The following ADAMTS17 variants were observed in gnomAD, a reference collection of about 807,000 sequenced individuals.
The protein encoded by ADAMTS17 is A disintegrin and metalloproteinase with thrombospondin motifs 17.
Under a neutral mutation model 141.5 loss-of-function variants are expected in ADAMTS17, and 113 were observed. That is an observed-to-expected ratio of 0.80 (90% CI 0.69 to 0.93). The LOEUF (loss-of-function observed/expected upper bound fraction) is 0.93, where lower values mean the gene tolerates loss of function less well. Ranked by LOEUF, ADAMTS17 falls within the 40% of genes least tolerant of loss-of-function variation. The pLI is 0.00. For missense variants in ADAMTS17, 1,659 were observed against 1,517.9 expected (o/e 1.09, Z -1.54); for synonymous variants, 768 against 630.6 (o/e 1.22, Z -3.27).
chr15:100,130,096 G>A (rs988260020), intron 12 of ADAMTS17, among the ~76,000 whole-genome samples: 10 of 152,182 alleles, frequency 6.6e-5, no homozygotes, highest in African/African-American at 2.4e-4. Context: ...TGGGCATGGT[G>A]GCTCACACCT....
rs2045579376 is a variant in ADAMTS17 at position 100,316,813 on chromosome 15, G to A, written c.616+14076C>T. 2.0e-5 allele frequency among the ~76,000 whole-genome samples: 3 copies of A among 152,362 alleles called. No individual in the cohort carries two copies. In the South Asian group the frequency reaches 6.2e-4, roughly 32 times the overall value. ...CCCTCTCTCTCAGAGATGAGGAAAGGTAGGAATAGGAGAAACAGGCTGACT... is the reference window on the plus strand; with the variant it reads ...CCCTCTCTCTCAGAGATGAGGAAAGATAGGAATAGGAGAAACAGGCTGACT... On this transcript the variant is annotated intron_variant, in intron 3 of 21. Coordinates refer to ENST00000268070, the MANE Select transcript of ADAMTS17 (RefSeq NM_139057.4).
intron 3 of ADAMTS17, among the ~76,000 whole-genome samples, chr15:100,317,559 T>C (rs1039502435): frequency 6.6e-6 from 1 of 151,880 alleles, no homozygotes; most frequent in Non-Finnish European, 1.5e-5. Flanking sequence ...TGGGGACACA[T>C]CAGAAATGCC....
intron 14 of ADAMTS17, among the ~76,000 whole-genome samples, chr15:100,103,013 C>T (rs1343094072): frequency 6.6e-6 from 1 of 152,218 alleles, no homozygotes; most frequent in Non-Finnish European, 1.5e-5. Flanking sequence ...ATGACACTTC[C>T]ACCCACTTCT....
At chr15:100,132,988 T>C (rs530986843) in intron 11 of ADAMTS17, among the ~76,000 whole-genome samples, 13 of 152,342 alleles carry the variant, frequency 8.5e-5, no homozygotes, top group Admixed American at 2.6e-4. Context: ...AAGGAGTTAA[T>C]CTAACAAAAA....
At chr15:100,006,696 C>T (rs745641651) in intron 18 of ADAMTS17, among the ~76,000 whole-genome samples, 3 of 152,192 alleles carry the variant, frequency 2.0e-5, no homozygotes, top group Non-Finnish European at 2.9e-5. Context: ...CAAAAGAAGG[C>T]GCTGGTATCG....
chr15:100,139,046 TCTGCATTTGTCAAATTTCAAAGACTGGGC>T (rs2141275536), intron 10 of ADAMTS17, among the ~76,000 whole-genome samples: 1 of 152,278 alleles, frequency 6.6e-6, no homozygotes, highest in South Asian at 2.1e-4. Context: ...GTTATATAAC[TCTGCATTTGTCAAATTTCAAAGACTGGGC>T]ATTAAAAAGG....
chr15:100,340,684 A>G lies in ADAMTS17; in HGVS notation c.450+355T>C, dbSNP rs1460924357. On this transcript the variant is annotated intron_variant, in intron 2 of 21. Coordinates refer to ENST00000268070, the MANE Select transcript of ADAMTS17 (RefSeq NM_139057.4). Reference sequence around the variant, plus strand: ...CACTTTGACACGGCGGTGCAGATGCAGTGTTCTCTACATTGGGGCCAAGGC... The same window carrying G: ...CACTTTGACACGGCGGTGCAGATGCGGTGTTCTCTACATTGGGGCCAAGGC... Among the ~76,000 whole-genome samples the G allele has an allele frequency of 2.6e-5, 4 of 152,256 alleles. No homozygotes were observed. The East Asian group carries it at 7.8e-4, about 30-fold the overall frequency.
intron 5 of ADAMTS17, 87 bp downstream of exon 5, chr15:100,262,265 G>T: frequency 8.1e-7 from 1 of 1,237,668 alleles, no homozygotes; most frequent in Non-Finnish European, 1.2e-6. Context: ...CAACTCCCTG[G>T]AGCCCCGCTT....
intron 15 of ADAMTS17, among the ~76,000 whole-genome samples, chr15:100,087,496 G>A (rs1001022177): frequency 3.3e-5 from 5 of 152,164 alleles, no homozygotes; most frequent in Non-Finnish European, 7.3e-5. Flanking sequence ...TATGAGGCCA[G>A]CATCATCCTG....
chr15:100,026,795 G>A (rs958083712), intron 18 of ADAMTS17, among the ~76,000 whole-genome samples: 1 of 152,232 alleles, frequency 6.6e-6, no homozygotes, highest in African/African-American at 2.4e-5. Context: ...TTTGGGGAAT[G>A]TCTGCATAGC....
At chr15:100,217,424 C>T (rs936669838) in intron 7 of ADAMTS17, among the ~76,000 whole-genome samples, 1 of 152,064 alleles carries the variant, frequency 6.6e-6, no homozygotes, top group African/African-American at 2.4e-5. Context: ...ACGGGAAAAC[C>T]CTGTCTCTAC....
At chr15:100,124,392 T>C (rs1013634823) in intron 12 of ADAMTS17, among the ~76,000 whole-genome samples, 10 of 152,392 alleles carry the variant, frequency 6.6e-5, no homozygotes, top group Middle Eastern at 3.4e-3. Flanking sequence ...GGCCTCACTG[T>C]TGATGAGGAA....
At chr15:100,339,151 T>C in intron 2 of ADAMTS17, 1 of 985,478 alleles carries the variant, frequency 1.0e-6, no homozygotes, top group Non-Finnish European at 1.2e-6. Flanking sequence ...GTTGGCCAGG[T>C]TCCTTTATCT....
At chr15:100,304,947 T>C (rs990082434) in intron 3 of ADAMTS17, among the ~76,000 whole-genome samples, 1 of 152,258 alleles carries the variant, frequency 6.6e-6, no homozygotes, top group African/African-American at 2.4e-5. Flanking sequence ...TTTTCTCTTA[T>C]GATTTTCTTA....
At chr15:100,089,897 G>A (rs1341926849) in intron 15 of ADAMTS17, among the ~76,000 whole-genome samples, 1 of 151,310 alleles carries the variant, frequency 6.6e-6, no homozygotes, top group Admixed American at 6.6e-5. Context: ...ACGAGTTAAT[G>A]GGTGCAGCAC....
chr15:100,285,829 C>T (rs113983438), intron 3 of ADAMTS17, among the ~76,000 whole-genome samples: 34 of 152,248 alleles, frequency 2.2e-4, no homozygotes, highest in African/African-American at 6.5e-4. Flanking sequence ...TGCCCAGCCC[C>T]CAAGTCTTAC....
chr15:100,002,353 C>A (rs1255633554), intron 18 of ADAMTS17, among the ~76,000 whole-genome samples: 1 of 152,026 alleles, frequency 6.6e-6, no homozygotes, highest in Non-Finnish European at 1.5e-5. Context: ...GAAGTGGGGC[C>A]CCTCTGTCTT....
chr15:100,005,104 G>T (rs576369253), intron 18 of ADAMTS17, among the ~76,000 whole-genome samples: 1 of 152,234 alleles, frequency 6.6e-6, no homozygotes, highest in African/African-American at 2.4e-5. Context: ...TCTAATTCAG[G>T]GCACCCCTTC....
chr15:100,166,298 A>G (rs758080446), intron 8 of ADAMTS17, among the ~76,000 whole-genome samples: 2 of 152,254 alleles, frequency 1.3e-5, no homozygotes, highest in Non-Finnish European at 2.9e-5. Flanking sequence ...ATGAACATCT[A>G]CTGCTTCCAA....
Sources: allele counts gnomAD v4.1 joint callset (sites outside exome capture counted in the v4.1 genomes callset), GRCh38; gene constraint gnomAD v4.1.1; transcripts MANE v1.5; gene names NCBI Gene and HGNC (gene_info 2026-07-23, HGNC 2026-07-21).